ENG: variants seen among roughly 807,000 people sequenced by gnomAD.
ENG encodes CD105 antigen.
A neutral mutation model predicts 71.0 loss-of-function variants in ENG; 17 were observed. The ratio of observed to expected loss-of-function variants is 0.24; its 90% CI spans 0.16 to 0.36. ENG has a LOEUF of 0.36. ENG is among the 10% of genes least tolerant of loss of function. ENG has a pLI of 1.00. For synonymous variants in ENG, 360 were observed against 366.9 expected, an observed-to-expected ratio of 0.98 and a Z score of 0.21; for missense variants, 749 against 868.3, an observed-to-expected ratio of 0.86 and a Z score of 1.73.
chr9:127,831,386 T>C (rs1830761045), intron 2 of ENG, among the ~76,000 whole-genome samples: 1 of 151,086 alleles, frequency 6.6e-6, no homozygotes, highest in Non-Finnish European at 1.5e-5. Context: ...GGCTTTTTTT[T>C]TTTTTCTTTT....
intron 5 of ENG, 67 bp downstream of exon 5, chr9:127,825,628 C>CCGG (rs376337988): frequency 9.3e-7 from 1 of 1,079,838 alleles, no homozygotes; most frequent in Admixed American, 2.9e-5. Flanking sequence ...GGAGAGGGGG[C>CCGG]GGGGGGGGTC....
rs544788649 is a variant in ENG, at chr9:127,823,291, G to A, written c.1134+1013C>T. On this transcript the variant is annotated intron_variant, in intron 8 of 14. Coordinates refer to ENST00000373203, the MANE Select transcript of ENG (RefSeq NM_001114753.3). ...CTCCCAAGTAGCTGGGACTACAGGC[G>A]CCTACCACCATGCCTGGCTAATATT... Among the ~76,000 whole-genome samples, 85 of 152,050 alleles carry A rather than the reference G, an allele frequency of 5.6e-4. 1 individual carries two copies. The highest frequency in any genetic ancestry group is 1.9e-3 in the African/African-American group (80 of 41,500).
Position 127,816,290 on chromosome 9 carries a change from C to T in ENG, c.1742-237G>A, listed in dbSNP as rs1053323654. ...CAGCCAGGCCTTTTGGGTCATGCCT[C>T]TGCCCCTCAAGGCTGATGGAGATGG... On this transcript the variant is annotated intron_variant, in intron 13 of 14. Transcript: ENST00000373203. 5 of 601,744 alleles carry T rather than the reference C, an allele frequency of 8.3e-6. No individual in the cohort carries two copies. The Admixed American group carries it at 1.4e-4, about 16-fold the overall frequency. The allele number at this position is 601,744 out of a possible 1,614,324, so 37.3% of individuals were successfully genotyped here.
At position 127,846,676 on chromosome 9, in the gene ENG, A is replaced by G. The variant is rs1831175735; in HGVS notation, c.68-3431T>C. On this transcript the variant is annotated intron_variant, in intron 1 of 14. Transcript: ENST00000373203. This position sits in a 1 kb window ranked among gnomAD's most constrained non-coding sequence, Gnocchi z 5.5. ...TGGCCGCCCCCACCCCGCAGACGAG[A>G]ATGGGGAGACAGGAGGGAGTGTGAC... is the stretch of plus-strand genomic sequence containing the variant. Among the ~76,000 whole-genome samples the G allele has an allele frequency of 6.6e-6, 1 of 152,012 alleles. No individual in the cohort carries two copies. Among genetic ancestry groups the G allele is most frequent in the Non-Finnish European group, 1.5e-5 (1 of 67,986 alleles).
At position 127,815,486 on chromosome 9, in the gene ENG, G is replaced by A. The variant is rs906838886; in HGVS notation, c.*196C>T. The stretch of plus-strand genomic sequence containing the variant: ...CACTGGGTTGAAGGTTCTGTGGGGT[G>A]GAGGGACCCCAAGGTGTTCCAAGCC... On this transcript the variant is annotated 3_prime_UTR_variant, in exon 15 of 15. Transcript: ENST00000373203. 4 of 1,084,658 alleles carry A rather than the reference G, an allele frequency of 3.7e-6. No individual in the cohort carries two copies. Among genetic ancestry groups the A allele is most frequent in the Non-Finnish European group, 5.1e-6 (4 of 781,726 alleles). 67.2% of individuals were successfully genotyped at this position (1,084,658 alleles called of 1,614,324 possible).
At chr9:127,845,298 T>C (rs1388714298) in intron 1 of ENG, among the ~76,000 whole-genome samples, 6 of 152,174 alleles carry the variant, frequency 3.9e-5, no homozygotes, top group Non-Finnish European at 5.9e-5. Flanking sequence ...CCACAGCACG[T>C]TGGGCTCTGG....
At position 127,825,819 on chromosome 9, in the gene ENG, C is replaced by A. The variant is rs147792018; in HGVS notation, c.565G>T (p.Asp189Tyr). ...LSFCMLEASQ[D>Y]MGRTLEWRPR... ...CGCCACTCGAGCGTGCGGCCCATGT[C>A]CTGGCTGGCTTCCAGCATGCAGAAG... is the stretch of plus-strand genomic sequence containing the variant. The change falls in exon 5 of 15, where the codon GAC (aspartate) becomes TAC (tyrosine). Residue 189 changes from aspartate to tyrosine, a missense_variant. Physicochemically the swap from Asp to Tyr is radical, Grantham distance 160. Coordinates refer to ENST00000373203, the MANE Select transcript of ENG (RefSeq NM_001114753.3). 19 of 1,597,644 alleles carry A rather than the reference C, an allele frequency of 1.2e-5. No individual in the cohort carries two copies. The highest frequency in any genetic ancestry group is 1.4e-5 in the Non-Finnish European group (16 of 1,172,972).
intron 2 of ENG, among the ~76,000 whole-genome samples, chr9:127,834,366 C>A (rs1388653751): frequency 6.9e-6 from 1 of 145,922 alleles, no homozygotes; most frequent in African/African-American, 2.5e-5. Context: ...GCCTCCCGAG[C>A]AGCTGGGACT....
In ENG at chr9:127,815,536, CTG is replaced by C. The variant is rs1222376649; in HGVS notation, c.*144_*145del. The C allele has an allele frequency of 1.3e-5, 19 of 1,427,428 alleles. No individual in the cohort carries two copies. The highest frequency in any genetic ancestry group is 1.7e-5 in the Non-Finnish European group (19 of 1,086,032). 88.4% of individuals were successfully genotyped at this position (1,427,428 alleles called of 1,614,324 possible). A position where few individuals can be genotyped will look rare whatever the true frequency, so the allele number is the denominator to read the frequency against. Reference sequence around the variant, plus strand: ...CAGTGGCTGCACTGGCAGCAGGCCTCTGAGAGGGAGGCGGGAAGGGTAGGCGC... The same window carrying C: ...CAGTGGCTGCACTGGCAGCAGGCCTCAGAGGGAGGCGGGAAGGGTAGGCGC... On this transcript the variant is annotated 3_prime_UTR_variant, in exon 15 of 15. Coordinates refer to ENST00000373203, the MANE Select transcript of ENG (RefSeq NM_001114753.3).
In ENG at chr9:127,838,878, C is replaced by T. The variant is rs1022780661; in HGVS notation, c.219+4216G>A. ...CTGAGCGGCACTTCCCCAAGGCTCT[C>T]GGCTGCCACCGCCCATCTACCACCC... On this transcript the variant is annotated intron_variant, in intron 2 of 14. Transcript: ENST00000373203. The surrounding 1 kb of genome is among the most constrained non-coding windows in gnomAD (Gnocchi z 4.3). 2.6e-5 allele frequency among the ~76,000 whole-genome samples: 4 copies of T among 152,128 alleles called. No homozygotes were observed. Among genetic ancestry groups the T allele is most frequent in the East Asian group, 1.9e-4 (1 of 5,184 alleles).
In ENG at chr9:127,846,933, C is replaced by T. The variant is rs1831180968; in HGVS notation, c.68-3688G>A. On this transcript the variant is annotated intron_variant, in intron 1 of 14. Transcript: ENST00000373203. The surrounding 1 kb of genome is among the most constrained non-coding windows in gnomAD (Gnocchi z 5.5). ...CACCTCCCAGATTTCCAGAGGGCTA[C>T]CTTCAGCACCTTGGAGGATGATCAA... is the stretch of plus-strand genomic sequence containing the variant. 8.1e-6 allele frequency: 8 copies of T among 985,476 alleles called. No homozygotes were observed. Among genetic ancestry groups the T allele is most frequent in the African/African-American group, 1.7e-5 (1 of 57,236 alleles). 61.0% of individuals were successfully genotyped at this position (985,476 alleles called of 1,614,324 possible). A position where few individuals can be genotyped will look rare whatever the true frequency, so the allele number is the denominator to read the frequency against.
intron 2 of ENG, among the ~76,000 whole-genome samples, chr9:127,839,167 C>G (rs1489506023): frequency 6.6e-6 from 1 of 152,300 alleles, no homozygotes; most frequent in East Asian, 1.9e-4. Flanking sequence ...TGCTCATCAC[C>G]CCATCACCTG....
chr9:127,817,643 T>C, intron 12 of ENG: 2 of 354,232 alleles, frequency 5.6e-6, no homozygotes, highest in South Asian at 5.0e-5. Flanking sequence ...GGGGTGACTC[T>C]GGGGGCGTCC....
At chr9:127,835,197 C>T (rs1830867949) in intron 2 of ENG, among the ~76,000 whole-genome samples, 1 of 151,964 alleles carries the variant, frequency 6.6e-6, no homozygotes, top group Non-Finnish European at 1.5e-5. Flanking sequence ...TGGGGTTTCA[C>T]TATGTTGCCC....
chr9:127,852,541 C>T (rs916873536), intron 1 of ENG, among the ~76,000 whole-genome samples: 3 of 152,190 alleles, frequency 2.0e-5, no homozygotes, highest in East Asian at 3.8e-4. Flanking sequence ...CAGACGGATA[C>T]GTTTCCAGGA....
chr9:127,819,646 G>A lies in ENG; in HGVS notation c.1287C>T (p.Ile429=), dbSNP rs760666663. The A allele has an allele frequency of 1.9e-6, 3 of 1,611,886 alleles. No individual in the cohort carries two copies. The highest frequency in any genetic ancestry group is 2.5e-6 in the Non-Finnish European group (3 of 1,179,200). ...CCCGCTGTGGTGATGAGCTCGACAG[G>A]ATATTGACCACCGCCTGCGGGGATA... The part of the protein sequence containing the change: ...SMISNEAVVN[I]LSSSSPQRKK... The change falls in exon 10 of 15, where the codon ATC becomes ATT. Residue 429 remains isoleucine (I), a synonymous_variant. Transcript: ENST00000373203.
At chr9:127,820,485 G>A (rs946933130) in intron 8 of ENG, among the ~76,000 whole-genome samples, 2 of 151,306 alleles carry the variant, frequency 1.3e-5, no homozygotes, top group Admixed American at 6.6e-5. Context: ...GAGCCACCGC[G>A]CCTGGCCAAA....
chr9:127,851,750 C>T (rs1168556643), intron 1 of ENG, among the ~76,000 whole-genome samples: 2 of 151,896 alleles, frequency 1.3e-5, no homozygotes, highest in African/African-American at 2.4e-5. Context: ...GTGGGGCCGG[C>T]GCCTGTAGTC....
intron 7 of ENG, 139 bp downstream of exon 7, chr9:127,824,661 C>A: frequency 8.7e-7 from 1 of 1,144,818 alleles, no homozygotes; most frequent in Non-Finnish European, 1.2e-6. Flanking sequence ...TCCCATTGTT[C>A]CCATGTGCAG....
Sources: allele counts gnomAD v4.1 joint callset (sites outside exome capture counted in the v4.1 genomes callset), GRCh38; gene constraint gnomAD v4.1.1; non-coding constraint Gnocchi (gnomAD v3.1); transcripts MANE v1.5; gene names NCBI Gene and HGNC (gene_info 2026-07-23, HGNC 2026-07-21).